The following RORA variants were observed in gnomAD, a reference collection of about 807,000 sequenced individuals.
The protein encoded by RORA is nuclear receptor ROR-alpha.
A neutral mutation model predicts 69.5 loss-of-function variants in RORA; 7 were observed. The observed-to-expected ratio is 0.10, with a 90% CI of 0.06 to 0.19. The LOEUF is 0.19. Among genes scored for constraint, RORA ranks in the 10% least tolerant of loss-of-function variants. The pLI, the probability that RORA is intolerant of heterozygous loss-of-function variation, is 1.00. For missense variants in RORA, 457 were observed against 663.0 expected, an observed-to-expected ratio of 0.69 and a Z score of 3.41; for synonymous variants, 261 against 240.8, an observed-to-expected ratio of 1.08 and a Z score of -0.78.
chr15:61,074,221 C>A (rs76624823), intron 1 of RORA, among the ~76,000 whole-genome samples: 227 of 152,294 alleles, frequency 1.5e-3, no homozygotes, highest in African/African-American at 5.1e-3. Flanking sequence ...GTATATGAAG[C>A]CTTAGCTGCA....
intron 1 of RORA, among the ~76,000 whole-genome samples, chr15:60,692,713 C>T (rs977767504): frequency 3.3e-5 from 5 of 152,142 alleles, no homozygotes; most frequent in Admixed American, 2.0e-4. Context: ...CCCCTCTTTG[C>T]ATTCATGTTT....
chr15:60,929,599 A>G (rs1362714966), intron 1 of RORA, among the ~76,000 whole-genome samples: 1 of 152,178 alleles, frequency 6.6e-6, no homozygotes, highest in Non-Finnish European at 1.5e-5. Context: ...GTCAGTCTGG[A>G]GGCTCCAGTC....
At chr15:60,768,245 T>A (rs2072019555) in intron 1 of RORA, among the ~76,000 whole-genome samples, 1 of 152,188 alleles carries the variant, frequency 6.6e-6, no homozygotes, top group South Asian at 2.1e-4. Context: ...CCCAGATACA[T>A]CCATCAAGCA....
intron 1 of RORA, among the ~76,000 whole-genome samples, chr15:60,935,897 C>G (rs1043161807): frequency 1.3e-5 from 2 of 152,224 alleles, no homozygotes; most frequent in African/African-American, 4.8e-5. Flanking sequence ...TTTTAGAGAA[C>G]ATTCTTGTTT....
chr15:60,965,664 C>T (rs1008470957), intron 1 of RORA, among the ~76,000 whole-genome samples: 2 of 152,202 alleles, frequency 1.3e-5, no homozygotes, highest in Admixed American at 1.3e-4. Context: ...GCCTCTTTCA[C>T]ATTGATGAAG....
intron 2 of RORA, chr15:60,556,845 C>T (rs1238212538): frequency 6.2e-7 from 1 of 1,600,538 alleles, no homozygotes; most frequent in Admixed American, 1.7e-5. Flanking sequence ...GTGGATGTTT[C>T]CCCTCACCAT....
chr15:61,174,583 C>A (rs958911228), intron 1 of RORA, among the ~76,000 whole-genome samples: 1 of 152,172 alleles, frequency 6.6e-6, no homozygotes, highest in Admixed American at 6.5e-5. Context: ...GTCAAAACTT[C>A]CTGTCATAAA....
intron 1 of RORA, among the ~76,000 whole-genome samples, chr15:61,173,203 C>T (rs1252975293): frequency 6.6e-6 from 1 of 152,124 alleles, no homozygotes; most frequent in Non-Finnish European, 1.5e-5. Flanking sequence ...ACTTTATATA[C>T]AGGAAAACTG....
chr15:61,172,904 G>A (rs546942907), intron 1 of RORA, among the ~76,000 whole-genome samples: 26 of 152,222 alleles, frequency 1.7e-4, no homozygotes, highest in Non-Finnish European at 3.4e-4. Context: ...AGTCCTTTGA[G>A]AAGCCTCTGC....
chr15:60,528,063 C>CTTT (rs775751717), intron 3 of RORA: 2 of 151,232 alleles, frequency 1.3e-5, no homozygotes, highest in African/African-American at 4.9e-5. Context: ...CTTCTTTTTT[C>CTTT]TTTTTTTTTG....
intron 2 of RORA, among the ~76,000 whole-genome samples, chr15:60,672,735 G>C (rs545270148): frequency 1.3e-5 from 2 of 152,292 alleles, no homozygotes; most frequent in African/African-American, 4.8e-5. Context: ...TCCTAAAGCT[G>C]ATGAGCAGAT....
rs981281328 is a variant in RORA at position 60,841,019 on chromosome 15, G to A, written c.167-162333C>T. The A allele has an allele frequency of 4.5e-5, 40 of 882,724 alleles. 1 individual carries two copies. The highest frequency in any genetic ancestry group is 5.6e-4 in the Middle Eastern group (1 of 1,776). 54.7% of individuals were successfully genotyped at this position (882,724 alleles called of 1,614,324 possible). A position where few individuals can be genotyped will look rare whatever the true frequency, so the allele number is the denominator to read the frequency against. On this transcript the variant is annotated intron_variant, in intron 1 of 10. Transcript: ENST00000335670. ...TCCTTCCTCGACAACGATACCTTAC[G>A]GAAGCCAGAGAAATTTAGGCATTGA... is the stretch of plus-strand genomic sequence containing the variant.
chr15:61,163,469 G>A (rs950272110), intron 1 of RORA, among the ~76,000 whole-genome samples: 32 of 152,150 alleles, frequency 2.1e-4, no homozygotes, highest in African/African-American at 7.7e-4. Flanking sequence ...TCTGGAATCT[G>A]ACAAATTAGA....
rs532033823 is a variant in RORA at position 61,204,107 on chromosome 15, G to A, written c.166+24946C>T. Among the ~76,000 whole-genome samples, 196 of 152,288 alleles carry A rather than the reference G, an allele frequency of 1.3e-3. 3 individuals carry two copies. The highest frequency in any genetic ancestry group is 4.3e-4 in the Non-Finnish European group (29 of 68,028). ...TCAGGTGAGTTGTGAGCGCTGTAAT[G>A]CAGAAAATACAGGTGCTCTAGAGGG... On this transcript the variant is annotated intron_variant, in intron 1 of 10. Coordinates refer to ENST00000335670, the MANE Select transcript of RORA (RefSeq NM_134261.3).
intron 1 of RORA, among the ~76,000 whole-genome samples, chr15:60,967,408 G>A (rs888778635): frequency 6.6e-6 from 1 of 152,092 alleles, no homozygotes; most frequent in African/African-American, 2.4e-5. Flanking sequence ...TGACAACATC[G>A]AATGGAGCTA....
chr15:61,081,673 T>G (rs947830960), intron 1 of RORA, among the ~76,000 whole-genome samples: 2 of 151,982 alleles, frequency 1.3e-5, no homozygotes, highest in Admixed American at 6.6e-5. Context: ...CCGGGTGTGG[T>G]GGCGGGCGCC....
chr15:60,755,273 T>A (rs1403968837), intron 1 of RORA, among the ~76,000 whole-genome samples: 1 of 151,848 alleles, frequency 6.6e-6, no homozygotes, highest in African/African-American at 2.4e-5. Flanking sequence ...CTGAGAATGA[T>A]GGTTTCCAGC....
intron 1 of RORA, among the ~76,000 whole-genome samples, chr15:60,964,891 G>A (rs1893509875): frequency 6.6e-6 from 1 of 152,148 alleles, no homozygotes; most frequent in African/African-American, 2.4e-5. Context: ...GAGAAGCAGT[G>A]GTGCAGGGGC....
Position 61,226,360 on chromosome 15 carries a change from C to T in RORA, c.166+2693G>A, listed in dbSNP as rs968385238. On this transcript the variant is annotated intron_variant, in intron 1 of 10. Transcript: ENST00000335670. The surrounding 1 kb of genome is among the most constrained non-coding windows in gnomAD (Gnocchi z 4.2). ...TTTGCTTTTCCTTTCTAGTTGTGTG[C>T]CTTTATGTTTTAAGTATTTAAAAGG... 5.3e-5 allele frequency among the ~76,000 whole-genome samples: 8 copies of T among 152,244 alleles called. No individual in the cohort carries two copies. The South Asian group carries it at 1.2e-3, about 24-fold the overall frequency.
Sources: allele counts gnomAD v4.1 joint callset (sites outside exome capture counted in the v4.1 genomes callset), GRCh38; gene constraint gnomAD v4.1.1; non-coding constraint Gnocchi (gnomAD v3.1); transcripts MANE v1.5; gene names NCBI Gene and HGNC (gene_info 2026-07-23, HGNC 2026-07-21).